The following KIF13B variants were observed in gnomAD, a reference collection of about 807,000 sequenced individuals.
KIF13B encodes the protein kinesin family member 13B.
A neutral mutation model predicts 222.0 loss-of-function variants in KIF13B; 127 were observed. The ratio of observed to expected loss-of-function variants is 0.57; its 90% confidence interval spans 0.50 to 0.66. The LOEUF (loss-of-function observed/expected upper bound fraction) is 0.66. Ranked by LOEUF, KIF13B falls within the 30% of genes least tolerant of loss-of-function variation. KIF13B has a pLI of 0.00. For missense variants in KIF13B, 2,173 were observed against 2,379.0 expected, an observed-to-expected ratio of 0.91 and a Z score of 1.80; for synonymous variants, 976 against 919.0, an observed-to-expected ratio of 1.06 and a Z score of -1.12.
chr8:29,243,484 C>A lies in KIF13B; in HGVS notation c.149+1862G>T, dbSNP rs1815873209. On this transcript the variant is annotated intron_variant, in intron 2 of 39. Transcript: ENST00000524189. ...CCAGGCTGGCCAACATGGCAAAACTCTGTCTCTACTAAAATACAAAAATTA... is the reference window on the plus strand; with the variant it reads ...CCAGGCTGGCCAACATGGCAAAACTATGTCTCTACTAAAATACAAAAATTA... Among the ~76,000 whole-genome samples the A allele has an allele frequency of 2.0e-5, 3 of 151,978 alleles. No individual in the cohort carries two copies. The South Asian group carries it at 6.2e-4, about 32-fold the overall frequency.
Position 29,070,751 on chromosome 8 carries a change from G to T in KIF13B, c.5234C>A (p.Ser1745Tyr). ...LDLPSGKNDG[S>Y]IGGKQYFRCN... ...CCTGAAGTACTGCTTCCCGCCGATG[G>T]AACCGTCATTCTTACCTGCGGGGGA... Residue 1745 changes from serine (S) to tyrosine (Y), a missense_variant, in exon 40 of 40, where the codon TCC becomes TAC. By Grantham distance (144) the Ser-to-Tyr change is moderately radical. Coordinates refer to ENST00000524189, the MANE Select transcript of KIF13B (RefSeq NM_015254.4). The surrounding 1 kb of genome is among the most constrained non-coding windows in gnomAD (Gnocchi z 4.1). The T allele has an allele frequency of 6.3e-7, 1 of 1,587,862 alleles. No homozygotes were observed. Among genetic ancestry groups the T allele is most frequent in the Non-Finnish European group, 8.6e-7 (1 of 1,167,762 alleles).
rs1807288731 is a variant in KIF13B, at chr8:29,071,777, C to T, written c.5061G>A (p.Leu1687=). The T allele has an allele frequency of 1.9e-6, 3 of 1,548,704 alleles. No homozygotes were observed. Among genetic ancestry groups the T allele is most frequent in the Admixed American group, 3.9e-5 (2 of 50,974 alleles). Residue 1687 remains leucine (L), a synonymous_variant, in exon 39 of 40, where the codon CTG becomes CTA. Coordinates refer to ENST00000524189, the MANE Select transcript of KIF13B (RefSeq NM_015254.4). This position sits in a 1 kb window ranked among gnomAD's most constrained non-coding sequence, Gnocchi z 4.9. The part of the protein sequence containing the change: ...APAPGAGGQA[L]ASDSEEADEV... ...CGTCAGCTTCCTCGGAATCAGAGGC[C>T]AGGGCCTGTCCCCCGGCGCCCGGGG...
chr8:29,232,023 G>C (rs1156494895), intron 2 of KIF13B, among the ~76,000 whole-genome samples: 1 of 152,224 alleles, frequency 6.6e-6, no homozygotes, highest in East Asian at 1.9e-4. Flanking sequence ...GGGAGGCTGA[G>C]GAAAGCTAAT....
intron 18 of KIF13B, among the ~76,000 whole-genome samples, chr8:29,143,288 T>C (rs1012447582): frequency 6.6e-6 from 1 of 152,230 alleles, no homozygotes; most frequent in Non-Finnish European, 1.5e-5. Flanking sequence ...GAAAGTTTGC[T>C]GCGGTGTATG....
intron 19 of KIF13B, among the ~76,000 whole-genome samples, chr8:29,141,281 C>A (rs1810806433): frequency 6.6e-6 from 1 of 150,964 alleles, no homozygotes; most frequent in Non-Finnish European, 1.5e-5. Context: ...AGGCAGTGAG[C>A]CAAGATCGTG....
At chr8:29,198,786 G>A (rs539860984) in intron 2 of KIF13B, among the ~76,000 whole-genome samples, 1 of 152,174 alleles carries the variant, frequency 6.6e-6, no homozygotes, top group African/African-American at 2.4e-5. Flanking sequence ...GATGGAGCTG[G>A]AGGCCACTAT....
intron 2 of KIF13B, among the ~76,000 whole-genome samples, chr8:29,241,006 T>C (rs1384898717): frequency 6.6e-6 from 1 of 152,146 alleles, no homozygotes; most frequent in Non-Finnish European, 1.5e-5. Flanking sequence ...CAAAGACTTG[T>C]ACACAAACTG....
At chr8:29,221,247 C>A (rs1814735460) in intron 2 of KIF13B, among the ~76,000 whole-genome samples, 1 of 151,882 alleles carries the variant, frequency 6.6e-6, no homozygotes, top group South Asian at 2.1e-4. Context: ...GGATTACAGG[C>A]ATGTGCCACC....
At chr8:29,258,471 A>G (rs997401536) in intron 1 of KIF13B, among the ~76,000 whole-genome samples, 5 of 152,166 alleles carry the variant, frequency 3.3e-5, no homozygotes, top group Admixed American at 6.5e-5. Context: ...GAGTGCGTGG[A>G]CCAGCCACCC....
At chr8:29,107,198 A>G (rs1349133026) in intron 35 of KIF13B, among the ~76,000 whole-genome samples, 2 of 151,950 alleles carry the variant, frequency 1.3e-5, no homozygotes, top group Non-Finnish European at 2.9e-5. Flanking sequence ...TTCCTCCTAC[A>G]TTTTTCAATC....
intron 23 of KIF13B, among the ~76,000 whole-genome samples, chr8:29,130,905 G>C (rs1360059829): frequency 1.3e-5 from 2 of 152,232 alleles, no homozygotes; most frequent in East Asian, 1.9e-4. Context: ...AAGATGTAAT[G>C]ACAAATCTAT....
chr8:29,146,392 C>A lies in KIF13B; in HGVS notation c.2173G>T (p.Asp725Tyr), dbSNP rs748192834. The A allele has an allele frequency of 5.6e-6, 9 of 1,613,734 alleles. No homozygotes were observed. Among genetic ancestry groups the A allele is most frequent in the South Asian group, 1.1e-5 (1 of 91,076 alleles). ...VTLQIPASSL[D>Y]ANRKRGSLLS... Reference sequence around the variant, plus strand: ...GGCAACCTCACCTTCCTGTTGGCATCCAGGCTGGAGGCTGGAATCTGTAGG... The same window carrying A: ...GGCAACCTCACCTTCCTGTTGGCATACAGGCTGGAGGCTGGAATCTGTAGG... Residue 725 changes from aspartate (D) to tyrosine (Y), a missense_variant, in exon 18 of 40, where the codon GAT (aspartate) becomes TAT (tyrosine). This residue lies in a region of KIF13B where 1,480 missense variants were observed against 1,722.8 expected (regional missense o/e 0.86). Transcript: ENST00000524189.
At chr8:29,146,842 G>A (rs1447053489) in intron 17 of KIF13B, among the ~76,000 whole-genome samples, 1 of 152,160 alleles carries the variant, frequency 6.6e-6, no homozygotes, top group Non-Finnish European at 1.5e-5. Context: ...GGTCTGAGGT[G>A]GAGGCCTGAA....
chr8:29,072,091 C>T lies in KIF13B; in HGVS notation c.4747G>A (p.Gly1583Ser). ...GGGGCCGCAGCGTCCAGGCCGGGGCCCAGGGCGTCCGACAGGGTCGCGGTG... is the reference window on the plus strand; with the variant it reads ...GGGGCCGCAGCGTCCAGGCCGGGGCTCAGGGCGTCCGACAGGGTCGCGGTG... ...VSTATLSDAL[G>S]PGLDAAAPPG... Residue 1583 changes from glycine to serine, a missense_variant, in exon 39 of 40, where the codon GGC (glycine) becomes AGC (serine). Gly to Ser is a moderately conservative substitution (Grantham distance 56, BLOSUM62 0). Transcript: ENST00000524189. 7.4e-7 allele frequency: 1 copy of T among 1,347,584 alleles called. No individual in the cohort carries two copies. The highest frequency in any genetic ancestry group is 9.5e-7 in the Non-Finnish European group (1 of 1,047,286). The allele number at this position is 1,347,584 out of a possible 1,614,324, so 83.5% of individuals were successfully genotyped here.
chr8:29,143,320 A>G (rs952689180), intron 18 of KIF13B, among the ~76,000 whole-genome samples: 3 of 152,242 alleles, frequency 2.0e-5, no homozygotes, highest in African/African-American at 4.8e-5. Flanking sequence ...TCCCTCTCAG[A>G]GGCTGAATTT....
rs1287634008 is a variant in KIF13B, at chr8:29,113,529, CT to C, written c.3863del (p.Lys1288ArgfsTer13). On this transcript the variant is annotated frameshift_variant, in exon 32 of 40. Coordinates refer to ENST00000524189, the MANE Select transcript of KIF13B (RefSeq NM_015254.4). LOFTEE classifies it high-confidence loss of function. ...CAGGAATAGAACTTCGATGAGACAT[CT>C]TTTTTAGGAGACTCTGTGCAAAACC... ...RQGFAQSLLK[K>X]MSHRSSIPGC... The C allele has an allele frequency of 6.3e-7, 1 of 1,588,874 alleles. No homozygotes were observed.
intron 11 of KIF13B, among the ~76,000 whole-genome samples, chr8:29,166,001 ACT>A (rs1261110323): frequency 1.3e-5 from 2 of 151,456 alleles, no homozygotes; most frequent in African/African-American, 4.9e-5. Flanking sequence ...CTTTTCTGAC[ACT>A]CTATTGTGAA....
intron 21 of KIF13B, 94 bp from the exon 22 acceptor site, chr8:29,134,304 A>C: frequency 8.5e-7 from 1 of 1,179,320 alleles, no homozygotes; most frequent in Non-Finnish European, 1.2e-6. Context: ...TCACTAACTT[A>C]GGTGCTTATG....
chr8:29,204,865 T>A lies in KIF13B; in HGVS notation c.150-8666A>T, dbSNP rs181722689. On this transcript the variant is annotated intron_variant, in intron 2 of 39. Transcript: ENST00000524189. ...TCAGTATTTGTGGTTTTCAATTTAA[T>A]CCCTATTTTCCATCGTGTTTCTTGA... is the stretch of plus-strand genomic sequence containing the variant. Among the ~76,000 whole-genome samples the A allele has an allele frequency of 2.9e-4, 44 of 152,368 alleles. No homozygotes were observed. In the East Asian group the frequency reaches 3.7e-3, roughly 13 times the overall value.
Sources: allele counts gnomAD v4.1 joint callset (sites outside exome capture counted in the v4.1 genomes callset), GRCh38; gene constraint gnomAD v4.1.1; regional missense constraint gnomAD v4.1.1; non-coding constraint Gnocchi (gnomAD v3.1); transcripts MANE v1.5; gene names NCBI Gene and HGNC (gene_info 2026-07-23, HGNC 2026-07-21).